Variants in SCHIP1 observed in about 807,000 individuals in gnomAD.
SCHIP1 encodes schwannomin-interacting protein 1.
A neutral mutation model predicts 29.7 loss-of-function variants in SCHIP1; 8 were observed. The observed-to-expected ratio is 0.27, with a 90% CI of 0.16 to 0.49. The LOEUF is 0.49. Ranked by LOEUF, SCHIP1 falls within the 20% of genes least tolerant of loss-of-function variation. The pLI is 0.99. For synonymous variants in SCHIP1, 76 were observed against 94.9 expected, an observed-to-expected ratio of 0.80 and a Z score of 1.16; for missense variants, 193 against 294.6, an observed-to-expected ratio of 0.66 and a Z score of 2.52.
the SCHIP1 span, among the ~76,000 whole-genome samples, chr3:159,287,458 T>C: frequency 6.6e-6 from 1 of 151,958 alleles, no homozygotes; most frequent in Non-Finnish European, 1.5e-5. Context: ...CCATAATTAT[T>C]GCTTTATTAT....
rs1438080714 is a variant in SCHIP1, at chr3:159,861,709, T to C, written c.31-4454T>C. Among the ~76,000 whole-genome samples, 1 of 152,178 alleles carries C rather than the reference T, an allele frequency of 6.6e-6. No individual in the cohort carries two copies. Among genetic ancestry groups the C allele is most frequent in the East Asian group, 1.9e-4 (1 of 5,198 alleles). ...ATGAGCCCTGTTCCTCAGTTGCCCT[T>C]TGTTTTTGCTAGCAATACTAATTTT... is the stretch of plus-strand genomic sequence containing the variant. On this transcript the variant is annotated intron_variant, in intron 1 of 6. Coordinates refer to ENST00000445224, the Ensembl canonical transcript of SCHIP1. This position sits in a 1 kb window ranked among gnomAD's most constrained non-coding sequence, Gnocchi z 4.1.
the SCHIP1 span, among the ~76,000 whole-genome samples, chr3:159,343,816 G>T: frequency 2.0e-5 from 3 of 152,118 alleles, no homozygotes; most frequent in East Asian, 1.9e-4. Context: ...TAATCTGCAC[G>T]TCAGTGTGTA....
the SCHIP1 span, among the ~76,000 whole-genome samples, chr3:159,404,350 G>A: frequency 6.6e-6 from 1 of 152,124 alleles, no homozygotes; most frequent in Non-Finnish European, 1.5e-5. Flanking sequence ...CTGATTTCAG[G>A]TCGTTGCTCT....
In SCHIP1 at chr3:159,861,804, T is replaced by A. The variant is rs568044976; in HGVS notation, c.31-4359T>A. 2.0e-5 allele frequency among the ~76,000 whole-genome samples: 3 copies of A among 152,314 alleles called. No individual in the cohort carries two copies. The highest frequency in any genetic ancestry group is 2.9e-5 in the Non-Finnish European group (2 of 68,024). Reference sequence around the variant, plus strand: ...TTAGGAGTGGACATGGTTCTGCCTGTCATAAGTGCAGCCAGACAGTGGTGT... The same window carrying A: ...TTAGGAGTGGACATGGTTCTGCCTGACATAAGTGCAGCCAGACAGTGGTGT... On this transcript the variant is annotated intron_variant, in intron 1 of 6. Transcript: ENST00000445224. The surrounding 1 kb of genome is among the most constrained non-coding windows in gnomAD (Gnocchi z 4.1).
chr3:159,532,927 T>C, the SCHIP1 span, among the ~76,000 whole-genome samples: 2 of 152,156 alleles, frequency 1.3e-5, no homozygotes, highest in Non-Finnish European at 2.9e-5. Flanking sequence ...TTTAATTATT[T>C]ATGAGTATGA....
At chr3:159,797,580 T>TG in the SCHIP1 span, among the ~76,000 whole-genome samples, 1 of 151,866 alleles carries the variant, frequency 6.6e-6, no homozygotes, top group Non-Finnish European at 1.5e-5. Flanking sequence ...AAAGATCTTT[T>TG]TTTTTTTTTT....
chr3:159,643,852 G>A, the SCHIP1 span, among the ~76,000 whole-genome samples: 11 of 151,984 alleles, frequency 7.2e-5, 1 homozygote, highest in Admixed American at 6.6e-4. Context: ...TGACTTTGAT[G>A]TTTTGACTCT....
At chr3:159,779,124 A>G in the SCHIP1 span, among the ~76,000 whole-genome samples, 1 of 152,200 alleles carries the variant, frequency 6.6e-6, no homozygotes, top group Non-Finnish European at 1.5e-5. Context: ...GAGAGGGTAC[A>G]TTATAGGCAA....
the SCHIP1 span, among the ~76,000 whole-genome samples, chr3:159,515,276 A>G: frequency 1.3e-5 from 2 of 151,840 alleles, no homozygotes; most frequent in African/African-American, 2.4e-5. Context: ...CATTCAGCAC[A>G]CAAACAGATC....
the SCHIP1 span, among the ~76,000 whole-genome samples, chr3:159,610,633 T>C: frequency 6.6e-6 from 1 of 152,176 alleles, no homozygotes; most frequent in South Asian, 2.1e-4. Context: ...CAAAATCTAT[T>C]GACAATATTC....
chr3:159,572,682 C>A, the SCHIP1 span, among the ~76,000 whole-genome samples: 188 of 152,264 alleles, frequency 1.2e-3, 1 homozygote, highest in Non-Finnish European at 2.4e-3. Context: ...TGTTAACCTT[C>A]TGTCTTGATC....
upstream of SCHIP1, among the ~76,000 whole-genome samples, chr3:159,836,479 C>T (rs1171121885): frequency 6.6e-6 from 1 of 152,190 alleles, no homozygotes; most frequent in Non-Finnish European, 1.5e-5. Flanking sequence ...GAGGGCACAA[C>T]ATTCAGACCA....
the SCHIP1 span, among the ~76,000 whole-genome samples, chr3:159,495,175 C>T: frequency 1.3e-5 from 2 of 152,308 alleles, no homozygotes; most frequent in African/African-American, 4.8e-5. Flanking sequence ...AAACTGGAAG[C>T]ATTCCCTTTG....
the SCHIP1 span, among the ~76,000 whole-genome samples, chr3:159,344,499 G>A: frequency 5.1e-4 from 78 of 152,272 alleles, no homozygotes; most frequent in African/African-American, 1.9e-3. Context: ...GATGAACAAA[G>A]TGGCACTTCA....
At chr3:159,293,362 C>T in the SCHIP1 span, among the ~76,000 whole-genome samples, 1 of 152,180 alleles carries the variant, frequency 6.6e-6, no homozygotes, top group African/African-American at 2.4e-5. Flanking sequence ...CTGGTCAGCG[C>T]AAGGAAAAGT....
the SCHIP1 span, among the ~76,000 whole-genome samples, chr3:159,741,621 A>T: frequency 6.6e-6 from 1 of 152,362 alleles, no homozygotes; most frequent in South Asian, 2.1e-4. Flanking sequence ...TATTTAAAAT[A>T]TGTAACCATC....
the SCHIP1 span, chr3:159,808,643 G>A: frequency 6.6e-6 from 1 of 152,194 alleles, no homozygotes; most frequent in South Asian, 2.1e-4. Flanking sequence ...TGACCATGAG[G>A]GCAAGAACAC....
chr3:159,769,211 A>G, the SCHIP1 span, among the ~76,000 whole-genome samples: 1 of 132,860 alleles, frequency 7.5e-6, no homozygotes, highest in Non-Finnish European at 1.6e-5. Context: ...CTGCTTCTCC[A>G]GGACCTTAGT....
At chr3:159,778,003 G>GAGAT in the SCHIP1 span, among the ~76,000 whole-genome samples, 24 of 137,302 alleles carry the variant, frequency 1.7e-4, no homozygotes, top group Middle Eastern at 3.6e-3. Flanking sequence ...TTTTTTTTTT[G>GAGAT]AGATAGAGTC....
Sources: allele counts gnomAD v4.1 joint callset (sites outside exome capture counted in the v4.1 genomes callset), GRCh38; gene constraint gnomAD v4.1.1; non-coding constraint Gnocchi (gnomAD v3.1); transcripts MANE v1.5; gene names NCBI Gene and HGNC (gene_info 2026-07-23, HGNC 2026-07-21).